The following MCCC1 variants were observed in gnomAD, a reference collection of about 807,000 sequenced individuals.
The protein encoded by MCCC1 is methylcrotonoyl-CoA carboxylase subunit alpha, mitochondrial.
A neutral mutation model predicts 83.8 loss-of-function variants in MCCC1; 64 were observed. The ratio of observed to expected loss-of-function variants is 0.76; its 90% confidence interval spans 0.62 to 0.94. The LOEUF (loss-of-function observed/expected upper bound fraction) is 0.94, where lower values mean the gene tolerates loss of function less well. Ranked by LOEUF, MCCC1 falls within the 40% of genes least tolerant of loss-of-function variation. MCCC1 has a pLI of 0.00. For missense variants in MCCC1, 807 were observed against 904.7 expected (o/e 0.89, Z 1.39); for synonymous variants, 322 against 315.4 (o/e 1.02, Z -0.22).
intron 14 of MCCC1, among the ~76,000 whole-genome samples, chr3:183,029,369 T>C (rs1191328865): frequency 1.3e-5 from 2 of 152,198 alleles, no homozygotes; most frequent in Non-Finnish European, 2.9e-5. Flanking sequence ...AAGACGAACA[T>C]GGCGGGGCCG....
At chr3:183,088,748 T>C (rs1718101974) in intron 3 of MCCC1, among the ~76,000 whole-genome samples, 1 of 152,234 alleles carries the variant, frequency 6.6e-6, no homozygotes, top group Admixed American at 6.5e-5. Flanking sequence ...GATCATACTA[T>C]ATAATTATCT....
intron 13 of MCCC1, among the ~76,000 whole-genome samples, chr3:183,034,471 A>AC (rs1215287649): frequency 1.4e-5 from 2 of 138,418 alleles, no homozygotes; most frequent in African/African-American, 6.1e-5. Context: ...AAAAAAAAAC[A>AC]AAAAAACACA....
chr3:183,062,317 C>T (rs574249998), intron 7 of MCCC1, among the ~76,000 whole-genome samples: 1 of 150,604 alleles, frequency 6.6e-6, no homozygotes, highest in South Asian at 2.1e-4. Context: ...ATCAAGAGCA[C>T]AGAGCAATTC....
chr3:183,088,892 T>C (rs541479702), intron 3 of MCCC1, among the ~76,000 whole-genome samples: 31 of 152,332 alleles, frequency 2.0e-4, no homozygotes, highest in African/African-American at 4.3e-4. Context: ...CATTTAATCA[T>C]GTATCTCTTA....
chr3:183,052,255 T>C lies in MCCC1; in HGVS notation c.874-15A>G, dbSNP rs1299112018. Reference sequence around the variant, plus strand: ...TTAATACCAGGCTATGAAAAAAATATGTAAATAAATCTCCATTAGTAGCTT... The same window carrying C: ...TTAATACCAGGCTATGAAAAAAATACGTAAATAAATCTCCATTAGTAGCTT... On this transcript the variant is annotated splice_polypyrimidine_tract_variant and intron_variant, in intron 8 of 18. Transcript: ENST00000265594. The C allele has an allele frequency of 3.1e-6, 5 of 1,609,026 alleles. No individual in the cohort carries two copies. Among genetic ancestry groups the C allele is most frequent in the East Asian group, 4.5e-5 (2 of 44,854 alleles).
chr3:183,015,623 T>C (rs1711551859), intron 18 of MCCC1, 57 bp from the exon 19 acceptor site: 6 of 1,608,364 alleles, frequency 3.7e-6, no homozygotes, highest in Admixed American at 1.7e-5. Context: ...GGACTGAGTA[T>C]ACACCAAGTC....
intron 3 of MCCC1, among the ~76,000 whole-genome samples, chr3:183,089,858 TTCAG>T (rs1304671886): frequency 1.3e-5 from 2 of 152,074 alleles, no homozygotes; most frequent in Admixed American, 6.6e-5. Flanking sequence ...GAAATGCAGG[TTCAG>T]TATAGGTGAA....
intron 9 of MCCC1, among the ~76,000 whole-genome samples, chr3:183,046,693 C>T (rs1046183573): frequency 1.3e-5 from 2 of 152,126 alleles, no homozygotes; most frequent in Non-Finnish European, 2.9e-5. Context: ...AGCCACTGTG[C>T]CCAGCTTAAA....
chr3:183,046,833 G>T (rs1048594563), intron 9 of MCCC1, among the ~76,000 whole-genome samples: 13 of 152,158 alleles, frequency 8.5e-5, no homozygotes, highest in African/African-American at 3.1e-4. Flanking sequence ...CAGGTCACAG[G>T]GCAAGCTGCT....
At chr3:183,080,246 T>G (rs191556311) in intron 4 of MCCC1, among the ~76,000 whole-genome samples, 291 of 152,364 alleles carry the variant, frequency 1.9e-3, no homozygotes, top group Middle Eastern at 6.8e-3. Flanking sequence ...TTCTGAACTT[T>G]TATGCTCTGC....
chr3:183,086,548 G>T, intron 4 of MCCC1, 145 bp downstream of exon 4: 1 of 739,456 alleles, frequency 1.4e-6, no homozygotes, highest in Non-Finnish European at 2.4e-6. Context: ...AATGAGATGG[G>T]ACATGCCTAG....
chr3:183,093,723 A>G (rs904969465), intron 2 of MCCC1, among the ~76,000 whole-genome samples: 1 of 152,228 alleles, frequency 6.6e-6, no homozygotes, highest in Non-Finnish European at 1.5e-5. Context: ...ATGGAGCCCA[A>G]GAGTTGTCAC....
At chr3:183,072,647 T>C (rs1363152105) in intron 4 of MCCC1, among the ~76,000 whole-genome samples, 160 bp from the exon 5 acceptor site, 1 of 152,244 alleles carries the variant, frequency 6.6e-6, no homozygotes, top group Non-Finnish European at 1.5e-5. Flanking sequence ...GAAATATTCA[T>C]ATGAAAGCTC....
At chr3:183,056,755 G>A (rs955155534) in intron 8 of MCCC1, among the ~76,000 whole-genome samples, 5 of 152,120 alleles carry the variant, frequency 3.3e-5, no homozygotes, top group African/African-American at 4.8e-5. Context: ...GTGCAATGGC[G>A]TGATCTCGGC....
At chr3:183,081,480 C>A (rs1717488427) in intron 4 of MCCC1, among the ~76,000 whole-genome samples, 1 of 152,188 alleles carries the variant, frequency 6.6e-6, no homozygotes, top group Non-Finnish European at 1.5e-5. Context: ...TTGGTTCTAC[C>A]CTCAAGCAGA....
intron 17 of MCCC1, among the ~76,000 whole-genome samples, chr3:183,019,433 C>T (rs563658771): frequency 9.7e-4 from 148 of 152,262 alleles, no homozygotes; most frequent in African/African-American, 3.2e-3. Context: ...GATTAGTGCC[C>T]TTATGAAAGA....
At position 183,020,189 on chromosome 3, in the gene MCCC1, C is replaced by T. The variant is rs748771403; in HGVS notation, c.1918G>A (p.Val640Met). The T allele has an allele frequency of 3.7e-6, 6 of 1,614,098 alleles. No homozygotes were observed. Among genetic ancestry groups the T allele is most frequent in the South Asian group, 1.1e-5 (1 of 91,080 alleles). Residue 640 changes from valine to methionine, a missense_variant, in exon 17 of 19, where the codon GTG (valine) becomes ATG (methionine). By Grantham distance (21) the Val-to-Met change is conservative. Coordinates refer to ENST00000265594, the MANE Select transcript of MCCC1 (RefSeq NM_020166.5). Reference sequence around the variant, plus strand: ...CCGCCCTGAGTTTCTTGTGAGCTCACAGAAGATAAGTATTTGGGGACTGGA... The same window carrying T: ...CCGCCCTGAGTTTCTTGTGAGCTCATAGAAGATAAGTATTTGGGGACTGGA... ...DIPVPKYLSS[V>M]SSQETQGGPL... is the part of the protein sequence containing the mutation.
chr3:183,034,546 T>C (rs1300992963), intron 13 of MCCC1, among the ~76,000 whole-genome samples: 1 of 152,156 alleles, frequency 6.6e-6, no homozygotes, highest in East Asian at 1.9e-4. Context: ...AGGGCTGGTT[T>C]TGTTTACATC....
At chr3:183,106,847 C>T (rs1333606503) in intron 1 of MCCC1, among the ~76,000 whole-genome samples, 1 of 152,114 alleles carries the variant, frequency 6.6e-6, no homozygotes, top group African/African-American at 2.4e-5. Flanking sequence ...CTCTCCCTCT[C>T]CTCATGCAGA....
Sources: allele counts gnomAD v4.1 joint callset (sites outside exome capture counted in the v4.1 genomes callset), GRCh38; gene constraint gnomAD v4.1.1; transcripts MANE v1.5; gene names NCBI Gene and HGNC (gene_info 2026-07-23, HGNC 2026-07-21).